ADGRG1: variants seen among roughly 807,000 people sequenced by gnomAD.
ADGRG1 encodes the protein adhesion G protein-coupled receptor G1, also known as 7-transmembrane protein with no EGF-like N-terminal domains-1.
Under a neutral mutation model 73.5 loss-of-function variants are expected in ADGRG1, and 53 were observed. The ratio of observed to expected loss-of-function variants is 0.72; its 90% confidence interval spans 0.58 to 0.91. The LOEUF (loss-of-function observed/expected upper bound fraction) is 0.91, where lower values mean the gene tolerates loss of function less well. Among genes scored for constraint, ADGRG1 ranks in the 40% least tolerant of loss-of-function variants. The pLI is 0.00. For missense variants in ADGRG1, 795 were observed against 871.8 expected, an observed-to-expected ratio of 0.91 and a Z score of 1.11; for synonymous variants, 394 against 374.4, an observed-to-expected ratio of 1.05 and a Z score of -0.60.
intron 1 of ADGRG1, chr16:57,637,310 G>T (rs1240238540): frequency 1.0e-6 from 1 of 985,204 alleles, no homozygotes; most frequent in Non-Finnish European, 1.2e-6. Context: ...GCTCTGGGCA[G>T]CAATGAGCTA....
chr16:57,650,127 G>T, intron 1 of ADGRG1, 126 bp from the exon 2 acceptor site: 3 of 1,519,756 alleles, frequency 2.0e-6, no homozygotes, highest in South Asian at 2.4e-5. Flanking sequence ...AGGTCCATGG[G>T]CTTTTTCCAC....
intron 1 of ADGRG1, among the ~76,000 whole-genome samples, chr16:57,644,676 A>G (rs1363336634): frequency 1.6e-5 from 2 of 127,100 alleles, no homozygotes; most frequent in Non-Finnish European, 3.2e-5. Flanking sequence ...CTCCTCACAC[A>G]CTCATGCACA....
chr16:57,654,485 A>G (rs1225358191), intron 5 of ADGRG1, among the ~76,000 whole-genome samples: 2 of 138,574 alleles, frequency 1.4e-5, no homozygotes, highest in Admixed American at 8.1e-5. Flanking sequence ...TGGGGTAATC[A>G]TGTCTCACTG....
Position 57,661,724 on chromosome 16 carries a change from C to T in ADGRG1, c.1692C>T (p.Ser564=), listed in dbSNP as rs758315703. The stretch of plus-strand genomic sequence containing the variant: ...GCTGGATCCGGGACTCCCTGGTCAG[C>T]TACATCACCAACCTGGGCCTCTTCA... The part of the protein sequence containing the change: ...SMCWIRDSLV[S]YITNLGLFSL... The change falls in exon 13 of 14, where the codon AGC becomes AGT. Residue 564 remains serine, a synonymous_variant. Transcript: ENST00000562631. 1 of 1,614,042 alleles carries T rather than the reference C, an allele frequency of 6.2e-7. No homozygotes were observed.
upstream of ADGRG1, chr16:57,625,739 A>T (rs997259380): frequency 3.6e-5 from 28 of 773,214 alleles, no homozygotes; most frequent in Non-Finnish European, 4.2e-5. Context: ...CTACCCAAAC[A>T]TCTTCTCTGG....
At chr16:57,632,474 AT>A (rs2038232164) in intron 1 of ADGRG1, 13 of 322,028 alleles carry the variant, frequency 4.0e-5, no homozygotes, top group Non-Finnish European at 5.8e-5. Context: ...TGCCTTTCCC[AT>A]ACGTGGGAAT....
chr16:57,663,598 GC>G lies in ADGRG1; in HGVS notation c.*19del. On this transcript the variant is annotated 3_prime_UTR_variant, in exon 14 of 14. Transcript: ENST00000562631. ...CCGCATCTAGGCCTCCAGCCCACCT[GC>G]CCATGTGATGAAGCAGAGATTCGGC... is the stretch of plus-strand genomic sequence containing the variant. The G allele has an allele frequency of 1.2e-6, 2 of 1,611,464 alleles. No individual in the cohort carries two copies. Among genetic ancestry groups the G allele is most frequent in the South Asian group, 1.1e-5 (1 of 91,072 alleles).
chr16:57,635,853 C>G (rs1326840046), intron 1 of ADGRG1: 1 of 985,008 alleles, frequency 1.0e-6, no homozygotes, highest in Admixed American at 6.1e-5. Context: ...GTCCCTGTGT[C>G]CCTGCTATAA....
intron 1 of ADGRG1, chr16:57,645,389 G>A: frequency 1.2e-6 from 1 of 858,178 alleles, no homozygotes; most frequent in Non-Finnish European, 1.3e-6. Context: ...CCCCCAACCT[G>A]ATGCCTGCCC....
chr16:57,637,943 CT>C (rs1201012879), intron 1 of ADGRG1, among the ~76,000 whole-genome samples: 1 of 152,234 alleles, frequency 6.6e-6, no homozygotes, highest in Non-Finnish European at 1.5e-5. Flanking sequence ...TTTTGCACCC[CT>C]GAGCAACCCC....
At chr16:57,662,384 A>ACAAGG (rs2047376733) in intron 13 of ADGRG1, among the ~76,000 whole-genome samples, 1 of 150,740 alleles carries the variant, frequency 6.6e-6, no homozygotes, top group South Asian at 2.1e-4. Flanking sequence ...ACGTGTGAAG[A>ACAAGG]CAAGAGAAGG....
In ADGRG1 at chr16:57,640,045, C is replaced by A. The variant is rs191465594; in HGVS notation, c.-35-10208C>A. ...TTCTTTTGGGTCCCTGGGCTGCACC[C>A]CCGGTGTCAGAAACAAGCCTCTGAC... On this transcript the variant is annotated intron_variant, in intron 1 of 13. Transcript: ENST00000562631. The A allele has an allele frequency of 2.2e-4, 38 of 173,034 alleles. 1 individual carries two copies. The highest frequency in any genetic ancestry group is 3.7e-4 in the Non-Finnish European group (32 of 87,030). 10.7% of individuals were successfully genotyped at this position (173,034 alleles called of 1,614,324 possible).
chr16:57,656,121 G>T, intron 7 of ADGRG1, 105 bp from the exon 8 acceptor site: 1 of 1,613,544 alleles, frequency 6.2e-7, no homozygotes, highest in Non-Finnish European at 8.5e-7. Flanking sequence ...GTCCAAATGG[G>T]GCGGGTGGTG....
intron 13 of ADGRG1, 126 bp downstream of exon 13, chr16:57,662,091 TG>T: frequency 1.2e-6 from 1 of 811,702 alleles, no homozygotes. Context: ...ATTCATAAAA[TG>T]GGGACATCCA....
At chr16:57,639,962 G>A (rs1453557566) in intron 1 of ADGRG1, 4 of 564,056 alleles carry the variant, frequency 7.1e-6, no homozygotes, top group Non-Finnish European at 9.0e-6. Context: ...CAACTACAAG[G>A]AAATAGTTGG....
intron 1 of ADGRG1, among the ~76,000 whole-genome samples, chr16:57,638,367 G>A (rs2039889825): frequency 6.6e-6 from 1 of 152,186 alleles, no homozygotes; most frequent in Non-Finnish European, 1.5e-5. Flanking sequence ...CAGAGTGGTA[G>A]AAATGGATCT....
In ADGRG1 at chr16:57,658,951, G is replaced by A. The variant is rs938593477; in HGVS notation, c.1287-462G>A. Reference sequence around the variant, plus strand: ...GGGCCATGTAGAATCCTGGAGTGGGGGTGGGGTGGGGTGTGCACACATTGA... The same window carrying A: ...GGGCCATGTAGAATCCTGGAGTGGGAGTGGGGTGGGGTGTGCACACATTGA... On this transcript the variant is annotated intron_variant, in intron 10 of 13. Transcript: ENST00000562631. The A allele has an allele frequency of 3.7e-5, 36 of 983,276 alleles. No homozygotes were observed. In the Middle Eastern group the frequency reaches 1.6e-3, roughly 43 times the overall value. 60.9% of individuals were successfully genotyped at this position (983,276 alleles called of 1,614,324 possible). A position where few individuals can be genotyped will look rare whatever the true frequency, so the allele number is the denominator to read the frequency against.
At chr16:57,645,756 C>G (rs1448109844) in intron 1 of ADGRG1, among the ~76,000 whole-genome samples, 1 of 152,180 alleles carries the variant, frequency 6.6e-6, no homozygotes, top group Non-Finnish European at 1.5e-5. Flanking sequence ...AGCTCACTCC[C>G]AGAGGAAGGT....
intron 1 of ADGRG1, chr16:57,647,807 C>G (rs1597402299): frequency 1.0e-6 from 1 of 979,092 alleles, no homozygotes; most frequent in African/African-American, 1.8e-5. Flanking sequence ...GACAGTTGGT[C>G]CCTTGTGTGT....
Sources: allele counts gnomAD v4.1 joint callset (sites outside exome capture counted in the v4.1 genomes callset), GRCh38; gene constraint gnomAD v4.1.1; transcripts MANE v1.5; gene names NCBI Gene and HGNC (gene_info 2026-07-23, HGNC 2026-07-21).